PARP11: variants seen among roughly 807,000 people sequenced by gnomAD.
PARP11 encodes the protein protein mono-ADP-ribosyltransferase PARP11.
PARP11 carries 31 observed loss-of-function variants against 42.9 expected under a neutral mutation model. The ratio of observed to expected loss-of-function variants is 0.72; its 90% CI spans 0.54 to 0.98. The LOEUF is 0.98. PARP11 is among the 50% of genes least tolerant of loss of function. PARP11 has a pLI of 0.00. For missense variants in PARP11, 365 were observed against 413.1 expected, an observed-to-expected ratio of 0.88 and a Z score of 1.01; for synonymous variants, 137 against 127.3, an observed-to-expected ratio of 1.08 and a Z score of -0.51.
At chr12:3,822,364 C>A (rs985699800) in intron 4 of PARP11, among the ~76,000 whole-genome samples, 17 of 151,286 alleles carry the variant, frequency 1.1e-4, no homozygotes, top group African/African-American at 4.1e-4. Context: ...TTTGGGAGGC[C>A]GAGGCGAGCG....
At chr12:3,824,532 T>C in intron 4 of PARP11, 1 of 407,254 alleles carries the variant, frequency 2.5e-6, no homozygotes, top group Non-Finnish European at 3.3e-6. Flanking sequence ...AGTAAATAAA[T>C]ATTTCTATAT....
intron 1 of PARP11, among the ~76,000 whole-genome samples, chr12:3,866,731 A>G (rs377163954): frequency 5.9e-5 from 9 of 152,330 alleles, no homozygotes; most frequent in East Asian, 5.8e-4. Flanking sequence ...GAAAAGACGC[A>G]TTCCTCAGCT....
Position 3,840,056 on chromosome 12 carries a change from A to G in PARP11, c.19-10038T>C. 1.9e-6 allele frequency: 3 copies of G among 1,609,760 alleles called. No homozygotes were observed. Among genetic ancestry groups the G allele is most frequent in the Non-Finnish European group, 1.7e-6 (2 of 1,175,910 alleles). On this transcript the variant is annotated intron_variant, in intron 1 of 7. Coordinates refer to ENST00000228820, the MANE Select transcript of PARP11 (RefSeq NM_020367.6). This position sits in a 1 kb window ranked among gnomAD's most constrained non-coding sequence, Gnocchi z 4.4. ...GCTAGAAAGGTTCTTAAGTCACTCA[A>G]TCCTGCAGTCTATAGAAATGTGGAA...
At chr12:3,850,455 T>G (rs968342899) in intron 1 of PARP11, among the ~76,000 whole-genome samples, 2 of 152,120 alleles carry the variant, frequency 1.3e-5, no homozygotes, top group Non-Finnish European at 2.9e-5. Context: ...TAATATACAG[T>G]TTATTCAAGG....
At chr12:3,830,386 A>G (rs954417990) in intron 1 of PARP11, among the ~76,000 whole-genome samples, 10 of 152,334 alleles carry the variant, frequency 6.6e-5, no homozygotes, top group African/African-American at 2.2e-4. Flanking sequence ...CACGCTGGTT[A>G]AGATCAAATG....
intron 1 of PARP11, chr12:3,842,563 GT>G: frequency 7.6e-7 from 1 of 1,316,750 alleles, no homozygotes; most frequent in Non-Finnish European, 1.1e-6. Context: ...TAGGTGGAAT[GT>G]TTCTGAAGGC....
chr12:3,829,585 C>T (rs557421769), intron 2 of PARP11, among the ~76,000 whole-genome samples: 21 of 152,264 alleles, frequency 1.4e-4, no homozygotes, highest in South Asian at 2.1e-4. Flanking sequence ...GTGTTTAATA[C>T]GGATTTGTTC....
At chr12:3,850,681 C>G (rs1321011335) in intron 1 of PARP11, among the ~76,000 whole-genome samples, 1 of 152,110 alleles carries the variant, frequency 6.6e-6, no homozygotes, top group Non-Finnish European at 1.5e-5. Flanking sequence ...TATAAAGATA[C>G]TGTTGACAAG....
At chr12:3,869,444 C>A (rs958907502) in intron 1 of PARP11, among the ~76,000 whole-genome samples, 11 of 152,182 alleles carry the variant, frequency 7.2e-5, no homozygotes, top group African/African-American at 2.4e-4. Flanking sequence ...GCCTCAAATC[C>A]ATGCATGGCC....
At chr12:3,868,450 T>C (rs879895470) in intron 1 of PARP11, among the ~76,000 whole-genome samples, 4 of 152,116 alleles carry the variant, frequency 2.6e-5, no homozygotes, top group Non-Finnish European at 5.9e-5. Flanking sequence ...ACAGACTACC[T>C]ATAGACACTG....
At chr12:3,839,870 C>A in intron 1 of PARP11, 3 of 1,074,240 alleles carry the variant, frequency 2.8e-6, no homozygotes, top group Non-Finnish European at 2.9e-6. Flanking sequence ...GAACTAGACA[C>A]GTTGGAAGTA....
intron 1 of PARP11, 23 bp downstream of exon 1, chr12:3,873,189 C>T: frequency 1.3e-6 from 2 of 1,539,780 alleles, no homozygotes; most frequent in African/African-American, 2.7e-5. Context: ...CCTGGGCCCG[C>T]CCCGTCCCGC....
intron 6 of PARP11, among the ~76,000 whole-genome samples, chr12:3,816,588 T>A (rs1417109740): frequency 6.6e-6 from 1 of 152,230 alleles, no homozygotes; most frequent in African/African-American, 2.4e-5. Flanking sequence ...TTAGTTAGTT[T>A]GGCATTAGTG....
intron 6 of PARP11, among the ~76,000 whole-genome samples, 153 bp downstream of exon 6, chr12:3,821,718 CCT>C (rs755816489): frequency 6.6e-6 from 1 of 152,178 alleles, no homozygotes; most frequent in Non-Finnish European, 1.5e-5. Flanking sequence ...TCTTTCACTC[CCT>C]GAGAATGCTG....
chr12:3,858,633 G>GTTTAAT (rs1948235410), intron 1 of PARP11, among the ~76,000 whole-genome samples: 1 of 152,196 alleles, frequency 6.6e-6, no homozygotes, highest in African/African-American at 2.4e-5. Context: ...TCAAAACACA[G>GTTTAAT]CATCATAGGT....
At chr12:3,844,240 G>T (rs1947953761) in intron 1 of PARP11, among the ~76,000 whole-genome samples, 1 of 152,184 alleles carries the variant, frequency 6.6e-6, no homozygotes, top group Non-Finnish European at 1.5e-5. Context: ...ATGGTGCTAG[G>T]TAAAAAATTG....
intron 1 of PARP11, among the ~76,000 whole-genome samples, chr12:3,872,359 A>T (rs1024986709): frequency 6.6e-6 from 1 of 152,182 alleles, no homozygotes; most frequent in Non-Finnish European, 1.5e-5. Flanking sequence ...TTACCTTGTT[A>T]ACCTATCTTC....
At chr12:3,831,028 A>G (rs1281136329) in intron 1 of PARP11, among the ~76,000 whole-genome samples, 4 of 151,992 alleles carry the variant, frequency 2.6e-5, no homozygotes, top group African/African-American at 4.8e-5. Flanking sequence ...AGAAAATTAA[A>G]CTCAATCTGG....
At position 3,840,273 on chromosome 12, in the gene PARP11, ATCAAAGAACC is replaced by A. The variant is rs1947857915; in HGVS notation, c.19-10265_19-10256del. On this transcript the variant is annotated intron_variant, in intron 1 of 7. Transcript: ENST00000228820. The surrounding 1 kb of genome is among the most constrained non-coding windows in gnomAD (Gnocchi z 4.4). ...TGGTTGAAGAACTGGGAAAGTACAC[ATCAAAGAACC>A]TCAAGGCACCTCCCCCAGAAAGCTG... 4 of 1,613,986 alleles carry A rather than the reference ATCAAAGAACC, an allele frequency of 2.5e-6. No homozygotes were observed. In the Admixed American group the frequency reaches 6.7e-5, roughly 27 times the overall value.
Sources: gnomAD v4.1 joint callset for allele counts (sites outside exome capture counted in the v4.1 genomes callset) on GRCh38, gnomAD v4.1.1 for gene constraint, Gnocchi (gnomAD v3.1) non-coding constraint, MANE v1.5 for transcripts, NCBI Gene and HGNC (gene_info 2026-07-23, HGNC 2026-07-21) for gene names.